The following SLC9A9 variants were observed in gnomAD, a reference collection of about 807,000 sequenced individuals.
The protein encoded by SLC9A9 is sodium/hydrogen exchanger 9.
A neutral mutation model predicts 77.8 loss-of-function variants in SLC9A9; 62 were observed. The ratio of observed to expected loss-of-function variants is 0.80; its 90% CI spans 0.65 to 0.98. The LOEUF (loss-of-function observed/expected upper bound fraction) is 0.98, where lower values mean the gene tolerates loss of function less well. Among genes scored for constraint, SLC9A9 ranks in the 50% least tolerant of loss-of-function variants. SLC9A9 has a pLI of 0.00. For missense variants in SLC9A9, 775 were observed against 774.9 expected (o/e 1.00, Z 0.00); for synonymous variants, 320 against 283.5 (o/e 1.13, Z -1.29).
chr3:143,518,338 T>A (rs536444885), intron 9 of SLC9A9: 2 of 660,774 alleles, frequency 3.0e-6, no homozygotes, highest in African/African-American at 1.8e-5. Context: ...TCTTTAGATT[T>A]TTGTGTAATA....
At chr3:143,795,465 AAAC>A (rs142617193) in intron 3 of SLC9A9, among the ~76,000 whole-genome samples, 22,265 of 152,028 alleles carry the variant, frequency 0.15, 1,923 homozygotes, top group South Asian at 0.29. Context: ...TTTAGCATTA[AAAC>A]AACAACAACA....
intron 9 of SLC9A9, among the ~76,000 whole-genome samples, chr3:143,546,848 C>T (rs1053841570): frequency 7.9e-5 from 12 of 152,186 alleles, no homozygotes; most frequent in Admixed American, 3.3e-4. Context: ...CTTCCTCCAG[C>T]GATCACCTCA....
At chr3:143,635,141 T>A (rs916398384) in intron 6 of SLC9A9, among the ~76,000 whole-genome samples, 1 of 152,206 alleles carries the variant, frequency 6.6e-6, no homozygotes, top group Non-Finnish European at 1.5e-5. Flanking sequence ...TGAATGGGGT[T>A]GCAGGATCCA....
In SLC9A9 at chr3:143,478,841, TAATA is replaced by T. The variant is rs1291456264; in HGVS notation, c.1316-11655_1316-11652del. Among the ~76,000 whole-genome samples the T allele has an allele frequency of 3.3e-5, 5 of 152,334 alleles. No individual in the cohort carries two copies. In the East Asian group the frequency reaches 7.7e-4, roughly 23 times the overall value. The stretch of plus-strand genomic sequence containing the variant: ...CCCAATGCCAACACAAGCAAGCAAT[TAATA>T]AATAAATTCAGGCAGAATACAGGGA... On this transcript the variant is annotated intron_variant, in intron 11 of 15. Transcript: ENST00000316549.
intron 4 of SLC9A9, among the ~76,000 whole-genome samples, chr3:143,714,822 G>T (rs974992730): frequency 5.3e-5 from 8 of 152,194 alleles, no homozygotes; most frequent in African/African-American, 1.9e-4. Context: ...GAAGAGTCAG[G>T]TTGGGGTATG....
chr3:143,732,547 A>G (rs1201304910), intron 4 of SLC9A9, among the ~76,000 whole-genome samples: 1 of 152,220 alleles, frequency 6.6e-6, no homozygotes, highest in Non-Finnish European at 1.5e-5. Flanking sequence ...GACTGTCTCA[A>G]TGAGACCCAT....
chr3:143,604,398 A>G (rs570392303), intron 6 of SLC9A9, among the ~76,000 whole-genome samples: 33 of 152,332 alleles, frequency 2.2e-4, no homozygotes, highest in African/African-American at 7.0e-4. Flanking sequence ...ATGAAGAGCT[A>G]TGTGGAGAAC....
chr3:143,464,287 TAG>T (rs2035245129), intron 12 of SLC9A9, among the ~76,000 whole-genome samples: 1 of 152,194 alleles, frequency 6.6e-6, no homozygotes, highest in South Asian at 2.1e-4. Context: ...CCTTGCTAAA[TAG>T]AGTCTAAATG....
At chr3:143,450,572 T>C (rs1385593297) in intron 12 of SLC9A9, among the ~76,000 whole-genome samples, 2 of 140,650 alleles carry the variant, frequency 1.4e-5, no homozygotes, top group African/African-American at 5.5e-5. Flanking sequence ...TTTACCCTCA[T>C]AAAAATTAAA....
At chr3:143,427,563 A>G (rs2034430293) in intron 12 of SLC9A9, among the ~76,000 whole-genome samples, 1 of 152,232 alleles carries the variant, frequency 6.6e-6, no homozygotes, top group Non-Finnish European at 1.5e-5. Context: ...ATTATATGCA[A>G]TTTTTAAAAA....
intron 14 of SLC9A9, among the ~76,000 whole-genome samples, chr3:143,357,574 A>G (rs1190950159): frequency 6.6e-6 from 1 of 152,150 alleles, no homozygotes; most frequent in Admixed American, 6.6e-5. Context: ...CACTTATGAA[A>G]ATGGCATCAC....
intron 12 of SLC9A9, among the ~76,000 whole-genome samples, chr3:143,464,980 C>A (rs1428163006): frequency 6.6e-6 from 1 of 152,214 alleles, no homozygotes; most frequent in Non-Finnish European, 1.5e-5. Flanking sequence ...GATTTATACT[C>A]TAGTTCCCAG....
At chr3:143,332,261 C>T (rs975818773) in intron 14 of SLC9A9, among the ~76,000 whole-genome samples, 2 of 151,758 alleles carry the variant, frequency 1.3e-5, no homozygotes, top group African/African-American at 2.4e-5. Context: ...CCTGCTGAGC[C>T]CAGGCCAACC....
intron 6 of SLC9A9, among the ~76,000 whole-genome samples, chr3:143,587,865 G>A (rs1167877588): frequency 6.6e-6 from 1 of 152,194 alleles, no homozygotes; most frequent in African/African-American, 2.4e-5. Flanking sequence ...AAATAAAGTA[G>A]AGTAGTGAAG....
intron 12 of SLC9A9, among the ~76,000 whole-genome samples, chr3:143,460,386 G>A (rs1423790653): frequency 6.6e-6 from 1 of 151,934 alleles, no homozygotes; most frequent in Non-Finnish European, 1.5e-5. Context: ...CTTCTCCACA[G>A]CCTTTGAATA....
chr3:143,730,784 T>G (rs1934783009), intron 4 of SLC9A9, among the ~76,000 whole-genome samples: 1 of 152,132 alleles, frequency 6.6e-6, no homozygotes, highest in Admixed American at 6.5e-5. Context: ...TGATAATGGA[T>G]GGATGGGTGA....
chr3:143,699,911 A>G (rs1267006585), intron 4 of SLC9A9, among the ~76,000 whole-genome samples: 1 of 151,814 alleles, frequency 6.6e-6, no homozygotes, highest in African/African-American at 2.4e-5. Flanking sequence ...CAGCTCATGG[A>G]TCCAAAAGAG....
chr3:143,487,472 C>A (rs1006742325), intron 11 of SLC9A9, among the ~76,000 whole-genome samples: 4 of 151,810 alleles, frequency 2.6e-5, no homozygotes, highest in Admixed American at 2.0e-4. Context: ...CATACACAGT[C>A]TTCTCAAGTG....
intron 5 of SLC9A9, among the ~76,000 whole-genome samples, chr3:143,660,469 T>G: frequency 6.6e-6 from 1 of 152,230 alleles, no homozygotes; most frequent in East Asian, 1.9e-4. Context: ...GTCAACAACC[T>G]GAACCTAGAG....
Sources: allele counts gnomAD v4.1 joint callset (sites outside exome capture counted in the v4.1 genomes callset), GRCh38; gene constraint gnomAD v4.1.1; transcripts MANE v1.5; gene names NCBI Gene and HGNC (gene_info 2026-07-23, HGNC 2026-07-21).